The following GSPT1 variants were observed in gnomAD, a reference collection of about 807,000 sequenced individuals.
The protein encoded by GSPT1 is G1 to S phase transition 1.
Under a neutral mutation model 72.5 loss-of-function variants are expected in GSPT1, and 20 were observed. The ratio of observed to expected loss-of-function variants is 0.28; its 90% confidence interval spans 0.19 to 0.40. The LOEUF is 0.40. Ranked by LOEUF, GSPT1 falls within the 10% of genes least tolerant of loss-of-function variation. GSPT1 has a pLI of 1.00. For missense variants in GSPT1, 580 were observed against 811.9 expected (o/e 0.71, Z 3.47); for synonymous variants, 334 against 293.5 (o/e 1.14, Z -1.41).
chr16:11,902,098 A>G (rs896490287), intron 1 of GSPT1, among the ~76,000 whole-genome samples: 1 of 146,796 alleles, frequency 6.8e-6, no homozygotes, highest in African/African-American at 2.6e-5. Context: ...TTAAAAAAAA[A>G]AAAGCCAGGC....
rs1323778965 is a variant in GSPT1 at position 11,915,563 on chromosome 16, G to A, written c.158C>T (p.Ala53Val). Residue 53 changes from alanine to valine, a missense_variant, in exon 1 of 15, where the codon GCG (alanine) becomes GTG (valine). Around this residue, in one of 6 missense-constraint regions of GSPT1, gnomAD observed 327 missense variants for 298.8 expected, o/e 1.09. Transcript: ENST00000434724. ...GAGGTTCTCCCGCTGGGCCTCGGCC[G>A]CCGCCGCCAGGGAGCCGCCGCCGCC... ...PCGGGGSLAAAAEAQRENLSA... is the reference protein window; with the variant it reads ...PCGGGGSLAAVAEAQRENLSA... 1 of 1,490,970 alleles carries A rather than the reference G, an allele frequency of 6.7e-7. No individual in the cohort carries two copies. Among genetic ancestry groups the A allele is most frequent in the Non-Finnish European group, 8.9e-7 (1 of 1,120,546 alleles). 92.4% of individuals were successfully genotyped at this position (1,490,970 alleles called of 1,614,324 possible). A position where few individuals can be genotyped will look rare whatever the true frequency, so the allele number is the denominator to read the frequency against.
intron 6 of GSPT1, among the ~76,000 whole-genome samples, chr16:11,889,943 A>G (rs547940662): frequency 4.0e-5 from 6 of 151,166 alleles, no homozygotes; most frequent in East Asian, 1.9e-4. Flanking sequence ...GCCTGGCCCA[A>G]TAAAAGTTGT....
chr16:11,903,009 G>A (rs1024024638), intron 1 of GSPT1, among the ~76,000 whole-genome samples: 1 of 151,898 alleles, frequency 6.6e-6, no homozygotes, highest in Non-Finnish European at 1.5e-5. Context: ...GAGCCACCGC[G>A]CCCGGCTTCC....
intron 14 of GSPT1, among the ~76,000 whole-genome samples, chr16:11,874,560 C>G (rs900916993): frequency 3.6e-5 from 5 of 139,282 alleles, no homozygotes; most frequent in African/African-American, 1.4e-4. Context: ...TTTCTTCTGT[C>G]TTCCTGATTT....
At chr16:11,897,516 C>T (rs184084741) in intron 3 of GSPT1, among the ~76,000 whole-genome samples, 27 of 152,140 alleles carry the variant, frequency 1.8e-4, no homozygotes, top group African/African-American at 5.8e-4. Context: ...ACCTGGGAGG[C>T]GGAGGTTGCA....
Position 11,915,435 on chromosome 16 carries a change from G to C in GSPT1, c.286C>G (p.Pro96Ala). ...VPSFLRGPAA[P>A]PPPVGGAANN... The stretch of plus-strand genomic sequence containing the variant: ...GCGGCGCCGCCAACTGGGGGTGGCG[G>C]CGCTGCCGGGCCCCGCAGGAAGGAC... Residue 96 changes from proline to alanine, a missense_variant, in exon 1 of 15, where the codon CCG becomes GCG. Pro to Ala is a conservative substitution (Grantham distance 27, BLOSUM62 -1). Transcript: ENST00000434724. The C allele has an allele frequency of 1.3e-6, 2 of 1,516,440 alleles. No individual in the cohort carries two copies. Among genetic ancestry groups the C allele is most frequent in the South Asian group, 1.2e-5 (1 of 80,964 alleles). 93.9% of individuals were successfully genotyped at this position (1,516,440 alleles called of 1,614,324 possible). A position where few individuals can be genotyped will look rare whatever the true frequency, so the allele number is the denominator to read the frequency against.
intron 11 of GSPT1, among the ~76,000 whole-genome samples, chr16:11,878,902 T>G (rs1026134281): frequency 2.6e-5 from 4 of 151,274 alleles, no homozygotes; most frequent in African/African-American, 9.7e-5. Context: ...CTGTCTCTAC[T>G]AAAAATACAA....
chr16:11,890,004 A>G lies in GSPT1; in HGVS notation c.776+1058T>C, dbSNP rs112179611. Among the ~76,000 whole-genome samples, 448 of 147,880 alleles carry G rather than the reference A, an allele frequency of 3.0e-3. 5 individuals carry two copies. The highest frequency in any genetic ancestry group is 0.011 in the African/African-American group (420 of 39,878). On this transcript the variant is annotated intron_variant, in intron 6 of 14. Coordinates refer to ENST00000434724, the MANE Select transcript of GSPT1 (RefSeq NM_002094.4). ...GACATGGTGTCTCACTCTGTTGCCC[A>G]GGCTGGAGTGCAGTGGTGCAATCTC...
chr16:11,878,749 A>G (rs2054079811), intron 11 of GSPT1, among the ~76,000 whole-genome samples: 1 of 152,040 alleles, frequency 6.6e-6, no homozygotes, highest in Admixed American at 6.6e-5. Flanking sequence ...TACACGGGAA[A>G]TTTACCATCA....
At chr16:11,893,866 T>C (rs1428761787) in intron 5 of GSPT1, among the ~76,000 whole-genome samples, 1 of 151,902 alleles carries the variant, frequency 6.6e-6, no homozygotes, top group African/African-American at 2.4e-5. Flanking sequence ...TTACCAATGA[T>C]GATTAGCCAG....
At chr16:11,909,258 C>A (rs991706456) in intron 1 of GSPT1, among the ~76,000 whole-genome samples, 1 of 152,118 alleles carries the variant, frequency 6.6e-6, no homozygotes, top group Non-Finnish European at 1.5e-5. Context: ...AGTACTGTAA[C>A]AACTAGGTTT....
chr16:11,915,505 G>A lies in GSPT1; in HGVS notation c.216C>T (p.Asn72=), dbSNP rs1295576328. The A allele has an allele frequency of 1.9e-6, 3 of 1,544,736 alleles. No individual in the cohort carries two copies. The highest frequency in any genetic ancestry group is 1.7e-4 in the Middle Eastern group (1 of 5,840). The change falls in exon 1 of 15, where the codon AAC becomes AAT. Residue 72 remains asparagine (N), a synonymous_variant. Transcript: ENST00000434724. ...GGACGTTGGGCACGAAGGGCTTGGC[G>A]TTGACGTTGAGTTGCCGGCTGAAGG... The part of the protein sequence containing the change: ...SAAFSRQLNV[N]AKPFVPNVHA...
At chr16:11,886,352 C>A in intron 9 of GSPT1, 119 bp downstream of exon 9, 1 of 617,034 alleles carries the variant, frequency 1.6e-6, no homozygotes, top group Non-Finnish European at 2.7e-6. Flanking sequence ...TCTTAAATTA[C>A]TTATAAAGAT....
intron 9 of GSPT1, 83 bp from the exon 10 acceptor site, chr16:11,885,357 A>G (rs1213113847): frequency 2.8e-6 from 2 of 705,170 alleles, no homozygotes; most frequent in Non-Finnish European, 5.2e-6. Flanking sequence ...ACAGCTTCTA[A>G]TAATATTTTC....
intron 10 of GSPT1, 131 bp downstream of exon 10, chr16:11,885,050 A>G (rs1160567665): frequency 1.8e-6 from 1 of 547,834 alleles, no homozygotes; most frequent in African/African-American, 1.9e-5. Context: ...CCTGGGGGAC[A>G]GAGTGCAAGA....
intron 5 of GSPT1, among the ~76,000 whole-genome samples, chr16:11,893,462 T>C (rs1264212482): frequency 1.3e-5 from 2 of 151,984 alleles, no homozygotes; most frequent in East Asian, 3.9e-4. Flanking sequence ...TAAATGTAAA[T>C]GTAGGTACTA....
At chr16:11,916,361 T>G (rs530792303), upstream of GSPT1, among the ~76,000 whole-genome samples, 1 of 152,326 alleles carries the variant, frequency 6.6e-6, no homozygotes, top group South Asian at 2.1e-4. Flanking sequence ...AGGGGTCCAC[T>G]CTGGCCTGCT....
intron 12 of GSPT1, among the ~76,000 whole-genome samples, chr16:11,876,397 G>A (rs1221710984): frequency 6.6e-6 from 1 of 152,144 alleles, no homozygotes; most frequent in African/African-American, 2.4e-5. Flanking sequence ...ATCTTATCCT[G>A]TATTTATCTT....
At chr16:11,905,869 T>C (rs1296298189) in intron 1 of GSPT1, among the ~76,000 whole-genome samples, 2 of 151,826 alleles carry the variant, frequency 1.3e-5, no homozygotes, top group African/African-American at 4.8e-5. Context: ...ATAAATAAAT[T>C]ATAGGTACAC....
Sources: allele counts gnomAD v4.1 joint callset (sites outside exome capture counted in the v4.1 genomes callset), GRCh38; gene constraint gnomAD v4.1.1; regional missense constraint gnomAD v4.1.1; transcripts MANE v1.5; gene names NCBI Gene and HGNC (gene_info 2026-07-23, HGNC 2026-07-21).